TRIML1: variants seen among roughly 807,000 people sequenced by gnomAD.
TRIML1 encodes probable E3 ubiquitin-protein ligase TRIML1.
Under a neutral mutation model 32.3 loss-of-function variants are expected in TRIML1, and 34 were observed. The observed-to-expected ratio is 1.05, with a 90% CI of 0.80 to 1.40. The LOEUF is 1.40. TRIML1 is among the 40% of genes most tolerant of loss of function. The pLI is 0.00. For missense variants in TRIML1, 595 were observed against 574.9 expected (o/e 1.03, Z -0.36); for synonymous variants, 244 against 226.6 (o/e 1.08, Z -0.69).
upstream of TRIML1, among the ~76,000 whole-genome samples, chr4:188,137,363 T>C (rs1734690008): frequency 7.4e-6 from 1 of 134,696 alleles, no homozygotes; most frequent in South Asian, 2.5e-4. Context: ...AGTGCAGTGG[T>C]GGGATCTTGG....
upstream of TRIML1, among the ~76,000 whole-genome samples, chr4:188,137,864 C>A (rs1356968000): frequency 6.6e-6 from 1 of 151,580 alleles, no homozygotes; most frequent in Non-Finnish European, 1.5e-5. Context: ...CCACCCACCT[C>A]GGCCTCCCAA....
intron 5 of TRIML1, among the ~76,000 whole-genome samples, chr4:188,144,437 A>C (rs13114597): frequency 0.47 from 67,200 of 143,652 alleles, 16,701 homozygotes; most frequent in South Asian, 0.6. Flanking sequence ...ATCTCGGCTC[A>C]CTGCAAGCTC....
intron 1 of TRIML1, 77 bp downstream of exon 1, chr4:188,140,043 C>T: frequency 6.8e-7 from 1 of 1,471,162 alleles, no homozygotes; most frequent in South Asian, 1.3e-5. Context: ...TTCCTAACGT[C>T]CTCTGTGGGG....
Position 188,147,264 on chromosome 4 carries a change from G to C in TRIML1, c.1299G>C (p.Pro433=), listed in dbSNP as rs377585886. Residue 433 remains proline (P), a synonymous_variant, in exon 6 of 6, where the codon CCG becomes CCC. Transcript: ENST00000332517. ...GTDESLIYSF[P]QASFQEALRP... ...ATGAATCCCTCATCTACAGCTTCCCGCAGGCTTCTTTCCAAGAGGCCCTCA... is the reference window on the plus strand; with the variant it reads ...ATGAATCCCTCATCTACAGCTTCCCCCAGGCTTCTTTCCAAGAGGCCCTCA... 6.3e-7 allele frequency: 1 copy of C among 1,585,800 alleles called. No homozygotes were observed. Among genetic ancestry groups the C allele is most frequent in the African/African-American group, 1.4e-5 (1 of 73,814 alleles).
chr4:188,148,776 T>A (rs1735174313), downstream of TRIML1, among the ~76,000 whole-genome samples: 1 of 151,852 alleles, frequency 6.6e-6, no homozygotes, highest in Non-Finnish European at 1.5e-5. Context: ...CTAGTTTTTA[T>A]GTTTTTGTAG....
chr4:188,149,894 CT>C (rs1366163201), downstream of TRIML1, among the ~76,000 whole-genome samples: 1 of 152,138 alleles, frequency 6.6e-6, no homozygotes. Flanking sequence ...CCTCTAACCC[CT>C]GGGTTCAAAC....
chr4:188,137,623 A>G (rs551820222), upstream of TRIML1, among the ~76,000 whole-genome samples: 1 of 151,754 alleles, frequency 6.6e-6, no homozygotes, highest in Non-Finnish European at 1.5e-5. Flanking sequence ...GATTACAGGC[A>G]TGTGCCACCA....
In TRIML1 at chr4:188,139,648, G is replaced by C. The variant is rs754912472; in HGVS notation, c.90G>C (p.Glu30Asp). 1 of 1,614,160 alleles carries C rather than the reference G, an allele frequency of 6.2e-7. No homozygotes were observed. The highest frequency in any genetic ancestry group is 8.5e-7 in the Non-Finnish European group (1 of 1,180,004). The change falls in exon 1 of 6, where the codon GAG (glutamate) becomes GAC (aspartate). Residue 30 changes from glutamate (E) to aspartate (D), a missense_variant. Transcript: ENST00000332517. ...LDYFSSPVTT[E>D]CGHSFCLVCL... The stretch of plus-strand genomic sequence containing the variant: ...ATTTCAGCAGCCCAGTGACCACCGA[G>C]TGTGGGCACAGCTTTTGTCTGGTGT...
chr4:188,141,165 G>GTTTTTTTTTTTTTTTTTTTTTTTTTT (rs58714915), intron 2 of TRIML1, among the ~76,000 whole-genome samples: 2 of 118,822 alleles, frequency 1.7e-5, no homozygotes. Flanking sequence ...TTTGAAATCT[G>GTTTTTTTTTTTTTTTTTTTTTTTTTT]TTTTTTTTTT....
chr4:188,139,712 T>C lies in TRIML1; in HGVS notation c.154T>C (p.Ser52Pro). 1 of 1,614,048 alleles carries C rather than the reference T, an allele frequency of 6.2e-7. No individual in the cohort carries two copies. Among genetic ancestry groups the C allele is most frequent in the Non-Finnish European group, 8.5e-7 (1 of 1,180,022 alleles). The change falls in exon 1 of 6, where the codon TCT becomes CCT. Residue 52 changes from serine (S) to proline (P), a missense_variant. By Grantham distance (74) the Ser-to-Pro change is moderately conservative. Coordinates refer to ENST00000332517, the MANE Select transcript of TRIML1 (RefSeq NM_178556.5). ...RSWEEHNTPL[S>P]CPECWRTLEG... is the part of the protein sequence containing the mutation. ...CTGGGAGGAACATAACACACCTTTA[T>C]CTTGTCCTGAGTGCTGGAGGACCTT...
At chr4:188,137,900 A>G (rs963946461), upstream of TRIML1, among the ~76,000 whole-genome samples, 2 of 146,470 alleles carry the variant, frequency 1.4e-5, no homozygotes, top group Non-Finnish European at 3.0e-5. Flanking sequence ...GATGTGAGCA[A>G]CCGCGCCTGG....
chr4:188,137,455 A>C (rs1734692630), upstream of TRIML1, among the ~76,000 whole-genome samples: 2 of 146,584 alleles, frequency 1.4e-5, no homozygotes, highest in African/African-American at 2.5e-5. Context: ...GGCGTGCAAC[A>C]CCACACCCAG....
At chr4:188,144,448 C>G (rs547709193) in intron 5 of TRIML1, among the ~76,000 whole-genome samples, 1 of 148,922 alleles carries the variant, frequency 6.7e-6, no homozygotes, top group Non-Finnish European at 1.5e-5. Context: ...CTGCAAGCTC[C>G]GCTTCCCGGG....
In TRIML1 at chr4:188,140,634, G is replaced by C; in HGVS notation, c.504+11G>C. The C allele has an allele frequency of 6.2e-7, 1 of 1,605,792 alleles. No individual in the cohort carries two copies. The highest frequency in any genetic ancestry group is 8.5e-7 in the Non-Finnish European group (1 of 1,172,766). On this transcript the variant is annotated intron_variant, in intron 2 of 5. Transcript: ENST00000332517. ...GTGAAACTGTGCCAGGTCGGTGTCT[G>C]TCTGACTTTTGCTGCTTGTATATGA... is the stretch of plus-strand genomic sequence containing the variant.
intron 3 of TRIML1, among the ~76,000 whole-genome samples, 194 bp downstream of exon 3, chr4:188,142,676 T>A (rs1409762800): frequency 1.3e-5 from 2 of 150,808 alleles, no homozygotes; most frequent in African/African-American, 4.9e-5. Context: ...AAAAAACACA[T>A]CCAGAGGAAT....
At chr4:188,142,520 T>C (rs1012142170) in intron 3 of TRIML1, 38 bp downstream of exon 3, 3 of 1,399,124 alleles carry the variant, frequency 2.1e-6, no homozygotes, top group South Asian at 1.2e-5. Context: ...GGAAAAATTA[T>C]AGTAACTCAT....
chr4:188,144,887 A>G (rs1431426544), intron 5 of TRIML1, among the ~76,000 whole-genome samples: 1 of 152,188 alleles, frequency 6.6e-6, no homozygotes, highest in Non-Finnish European at 1.5e-5. Flanking sequence ...CGTCAGGATT[A>G]GTTCTCAGCT....
chr4:188,138,690 G>A (rs1047190880), upstream of TRIML1, among the ~76,000 whole-genome samples: 6 of 152,070 alleles, frequency 3.9e-5, no homozygotes, highest in African/African-American at 1.4e-4. Context: ...GGCCTAGTTT[G>A]GAAATTTTCA....
Position 188,147,265 on chromosome 4 carries a change from C to T in TRIML1, c.1300C>T (p.Gln434Ter). 1 of 1,587,440 alleles carries T rather than the reference C, an allele frequency of 6.3e-7. No homozygotes were observed. The highest frequency in any genetic ancestry group is 1.2e-5 in the South Asian group (1 of 86,956). ...TDESLIYSFP[Q>*]ASFQEALRPI... ...TGAATCCCTCATCTACAGCTTCCCGCAGGCTTCTTTCCAAGAGGCCCTCAG... is the reference window on the plus strand; with the variant it reads ...TGAATCCCTCATCTACAGCTTCCCGTAGGCTTCTTTCCAAGAGGCCCTCAG... Residue 434 changes from glutamine (Q) to a stop codon, truncating the protein, a stop_gained, in exon 6 of 6, where the codon CAG becomes TAG. Transcript: ENST00000332517. LOFTEE classifies it high-confidence loss of function.
Sources: allele counts gnomAD v4.1 joint callset (sites outside exome capture counted in the v4.1 genomes callset), GRCh38; gene constraint gnomAD v4.1.1; transcripts MANE v1.5; gene names NCBI Gene and HGNC (gene_info 2026-07-23, HGNC 2026-07-21).